TNFRSF19: variants seen among roughly 807,000 people sequenced by gnomAD.
TNFRSF19 encodes the protein tumor necrosis factor receptor superfamily member 19.
TNFRSF19 carries 27 observed loss-of-function variants against 46.4 expected under a neutral mutation model. The observed-to-expected ratio is 0.58, with a 90% confidence interval of 0.43 to 0.80. The LOEUF (loss-of-function observed/expected upper bound fraction) is 0.80. TNFRSF19 is among the 30% of genes least tolerant of loss of function. The pLI is 0.00. For synonymous variants in TNFRSF19, 204 were observed against 205.0 expected (o/e 1.00, Z 0.04); for missense variants, 511 against 530.8 (o/e 0.96, Z 0.37).
At chr13:23,576,899 T>C (rs1401969950) in intron 1 of TNFRSF19, among the ~76,000 whole-genome samples, 1 of 152,244 alleles carries the variant, frequency 6.6e-6, no homozygotes, top group African/African-American at 2.4e-5. Context: ...TAGATGAATC[T>C]AACAGCTGGA....
intron 3 of TNFRSF19, among the ~76,000 whole-genome samples, chr13:23,604,662 C>G (rs904401033): frequency 6.6e-6 from 1 of 152,120 alleles, no homozygotes; most frequent in African/African-American, 2.4e-5. Flanking sequence ...ACAAACCAAT[C>G]AGTGGAACAG....
intron 5 of TNFRSF19, among the ~76,000 whole-genome samples, chr13:23,647,193 T>C (rs938719035): frequency 2.0e-5 from 3 of 152,218 alleles, no homozygotes; most frequent in Non-Finnish European, 4.4e-5. Flanking sequence ...CCTTACCAGA[T>C]GTATGAAATG....
At chr13:23,640,066 A>G (rs1270066569) in intron 5 of TNFRSF19, among the ~76,000 whole-genome samples, 2 of 152,156 alleles carry the variant, frequency 1.3e-5, no homozygotes, top group African/African-American at 4.8e-5. Context: ...AGTGCTGTCA[A>G]GCCAGGCAGC....
intron 1 of TNFRSF19, among the ~76,000 whole-genome samples, chr13:23,575,995 A>T (rs994673433): frequency 6.6e-6 from 1 of 152,224 alleles, no homozygotes; most frequent in African/African-American, 2.4e-5. Context: ...ACCTCTATCA[A>T]GATTGTCATA....
At chr13:23,628,382 G>A (rs1882141965) in intron 5 of TNFRSF19, among the ~76,000 whole-genome samples, 1 of 152,146 alleles carries the variant, frequency 6.6e-6, no homozygotes, top group South Asian at 2.1e-4. Flanking sequence ...ACCCATCAAA[G>A]GACAAGCCCT....
intron 4 of TNFRSF19, among the ~76,000 whole-genome samples, chr13:23,625,485 C>T (rs7322018): frequency 0.33 from 50,447 of 151,630 alleles, 8,680 homozygotes; most frequent in South Asian, 0.44. Flanking sequence ...CCCGCCACCA[C>T]GCCCAGCTAT....
chr13:23,605,850 G>C (rs183632870), intron 3 of TNFRSF19, among the ~76,000 whole-genome samples: 1 of 152,194 alleles, frequency 6.6e-6, no homozygotes, highest in African/African-American at 2.4e-5. Context: ...TTAGGGCAGG[G>C]AATCTACTCT....
intron 4 of TNFRSF19, among the ~76,000 whole-genome samples, chr13:23,621,761 T>C (rs1257758135): frequency 7.0e-6 from 1 of 143,278 alleles, no homozygotes; most frequent in African/African-American, 2.6e-5. Flanking sequence ...CTGGGCAACA[T>C]GGCGAAACCC....
intron 3 of TNFRSF19, among the ~76,000 whole-genome samples, chr13:23,601,240 A>G (rs1478540506): frequency 6.6e-6 from 1 of 152,194 alleles, no homozygotes; most frequent in Non-Finnish European, 1.5e-5. Flanking sequence ...CCTCCAAGAA[A>G]CTAGAGGGAA....
At chr13:23,626,635 C>A in intron 4 of TNFRSF19, 72 bp from the exon 5 acceptor site, 1 of 1,433,254 alleles carries the variant, frequency 7.0e-7, no homozygotes, top group South Asian at 1.2e-5. Context: ...ATGGAGACTG[C>A]TGGTAATTTA....
chr13:23,643,171 C>G (rs1274478612), intron 5 of TNFRSF19, among the ~76,000 whole-genome samples: 1 of 152,174 alleles, frequency 6.6e-6, no homozygotes, highest in Non-Finnish European at 1.5e-5. Flanking sequence ...TGGCTATTAC[C>G]TAAGATTTTC....
rs554016584 is a variant in TNFRSF19, at chr13:23,662,805, T to G, written c.736+2315T>G. Among the ~76,000 whole-genome samples the G allele has an allele frequency of 4.6e-5, 7 of 152,378 alleles. No individual in the cohort carries two copies. In the East Asian group the frequency reaches 1.3e-3, roughly 29 times the overall value. On this transcript the variant is annotated intron_variant, in intron 7 of 9. Transcript: ENST00000248484. ...TGTGAATGGGATTGTCTTGCTGATT[T>G]GGCTCTTGGCTTGGCCGTTGTTGGT...
intron 4 of TNFRSF19, among the ~76,000 whole-genome samples, chr13:23,623,408 A>G (rs1330473497): frequency 6.6e-6 from 1 of 152,214 alleles, no homozygotes; most frequent in Non-Finnish European, 1.5e-5. Context: ...TGCAGTGAAT[A>G]CAAGCATGCA....
At chr13:23,647,484 C>G (rs1883400070) in intron 5 of TNFRSF19, among the ~76,000 whole-genome samples, 1 of 152,138 alleles carries the variant, frequency 6.6e-6, no homozygotes, top group South Asian at 2.1e-4. Context: ...CTTACTATAA[C>G]CTTGAACTCC....
At chr13:23,615,247 CT>C (rs1440797295) in intron 3 of TNFRSF19, among the ~76,000 whole-genome samples, 1 of 152,112 alleles carries the variant, frequency 6.6e-6, no homozygotes, top group African/African-American at 2.4e-5. Flanking sequence ...ACAGTGTGTT[CT>C]GATGTTCAAA....
At chr13:23,584,894 A>G (rs1188624338) in intron 1 of TNFRSF19, among the ~76,000 whole-genome samples, 1 of 152,198 alleles carries the variant, frequency 6.6e-6, no homozygotes, top group Non-Finnish European at 1.5e-5. Context: ...GAATATAGTG[A>G]GATTGAAAGC....
intron 4 of TNFRSF19, among the ~76,000 whole-genome samples, chr13:23,616,264 G>A (rs1412528924): frequency 6.6e-6 from 1 of 152,100 alleles, no homozygotes; most frequent in Non-Finnish European, 1.5e-5. Flanking sequence ...GAATAGGCAT[G>A]CTAACAAAGG....
At position 23,646,382 on chromosome 13, in the gene TNFRSF19, T is replaced by C. The variant is rs141605796; in HGVS notation, c.446-12668T>C. Among the ~76,000 whole-genome samples the C allele has an allele frequency of 2.6e-5, 4 of 152,232 alleles. No homozygotes were observed. In the East Asian group the frequency reaches 7.7e-4, roughly 29 times the overall value. ...GTGCAGCCATCACCACTAAGCTACTTCCATATCTCTTTCATCACCCCAGAT... is the reference window on the plus strand; with the variant it reads ...GTGCAGCCATCACCACTAAGCTACTCCCATATCTCTTTCATCACCCCAGAT... On this transcript the variant is annotated intron_variant, in intron 5 of 9. Coordinates refer to ENST00000248484, the MANE Select transcript of TNFRSF19 (RefSeq NM_148957.4).
chr13:23,600,933 G>A (rs1317316382), intron 3 of TNFRSF19, among the ~76,000 whole-genome samples: 1 of 152,190 alleles, frequency 6.6e-6, no homozygotes, highest in Non-Finnish European at 1.5e-5. Context: ...ACAATTTGAA[G>A]AGACAATGCA....
Sources: allele counts gnomAD v4.1 joint callset (sites outside exome capture counted in the v4.1 genomes callset), GRCh38; gene constraint gnomAD v4.1.1; transcripts MANE v1.5; gene names NCBI Gene and HGNC (gene_info 2026-07-23, HGNC 2026-07-21).